ZNF800: variants seen among roughly 807,000 people sequenced by gnomAD.
ZNF800 encodes zinc finger protein 800.
In ZNF800, 13 loss-of-function variants were observed where a neutral mutation model predicts 59.5. The ratio of observed to expected loss-of-function variants is 0.22; its 90% confidence interval spans 0.14 to 0.35. The LOEUF (loss-of-function observed/expected upper bound fraction) is 0.35, where lower values mean the gene tolerates loss of function less well. Among genes scored for constraint, ZNF800 ranks in the 10% least tolerant of loss-of-function variants. The pLI is 1.00. For missense variants in ZNF800, 621 were observed against 783.7 expected, an observed-to-expected ratio of 0.79 and a Z score of 2.48; for synonymous variants, 266 against 265.7, an observed-to-expected ratio of 1.00 and a Z score of -0.01.
intron 3 of ZNF800, among the ~76,000 whole-genome samples, chr7:127,380,998 T>C (rs142689928): frequency 2.4e-4 from 37 of 152,330 alleles, no homozygotes; most frequent in African/African-American, 8.9e-4. Context: ...GGCAAGTGCA[T>C]TGCATGTACT....
At chr7:127,361,068 T>C (rs931239068) in intron 1 of ZNF800, 4 of 152,256 alleles carry the variant, frequency 2.6e-5, no homozygotes, top group Admixed American at 6.6e-5. Flanking sequence ...TTCAGTCTAG[T>C]TGGGGAGACC....
chr7:127,357,333 T>C (rs916855732), intron 1 of ZNF800, among the ~76,000 whole-genome samples: 12 of 152,104 alleles, frequency 7.9e-5, no homozygotes, highest in African/African-American at 2.9e-4. Context: ...GTCCAAAAAG[T>C]GCAGCTTTAC....
intron 2 of ZNF800, among the ~76,000 whole-genome samples, chr7:127,387,760 C>A (rs1801181661): frequency 6.6e-6 from 1 of 152,034 alleles, no homozygotes; most frequent in Non-Finnish European, 1.5e-5. Flanking sequence ...ACGTGGGAGG[C>A]TGAGCTGGGA....
intron 5 of ZNF800, chr7:127,372,850 C>T (rs1021161940): frequency 3.5e-5 from 34 of 984,940 alleles, no homozygotes; most frequent in Non-Finnish European, 4.0e-5. Context: ...TTTATTTAGC[C>T]GTCACAGATT....
Position 127,392,133 on chromosome 7 carries a change from C to A in ZNF800, c.-132G>T. 2 of 394,092 alleles carry A rather than the reference C, an allele frequency of 5.1e-6. No individual in the cohort carries two copies. Among genetic ancestry groups the A allele is most frequent in the East Asian group, 3.6e-5 (1 of 27,764 alleles). The allele number at this position is 394,092 out of a possible 1,614,324, so 24.4% of individuals were successfully genotyped here. A position where few individuals can be genotyped will look rare whatever the true frequency, so the allele number is the denominator to read the frequency against. ...CCGGGCGGCCGCGGGGACAGCCTGGCGTGGGAGGCGGCTGCGGGCCCCACC... is the reference window on the plus strand; with the variant it reads ...CCGGGCGGCCGCGGGGACAGCCTGGAGTGGGAGGCGGCTGCGGGCCCCACC... On this transcript the variant is annotated 5_prime_UTR_variant, in exon 1 of 6. Coordinates refer to ENST00000265827, the MANE Select transcript of ZNF800 (RefSeq NM_176814.5).
intron 1 of ZNF800, among the ~76,000 whole-genome samples, chr7:127,353,185 T>C (rs937587147): frequency 6.6e-6 from 1 of 152,208 alleles, no homozygotes; most frequent in African/African-American, 2.4e-5. Flanking sequence ...TCCACAAATA[T>C]ATGCAATACA....
At chr7:127,345,196 A>G (rs538332996), downstream of ZNF800, among the ~76,000 whole-genome samples, 5 of 152,210 alleles carry the variant, frequency 3.3e-5, no homozygotes, top group South Asian at 1.0e-3. Flanking sequence ...TGCACCTAAT[A>G]TGTGTCAAAT....
downstream of ZNF800, among the ~76,000 whole-genome samples, chr7:127,366,388 G>A (rs1211178287): frequency 6.6e-6 from 1 of 152,128 alleles, no homozygotes; most frequent in African/African-American, 2.4e-5. Flanking sequence ...TGGATGTCTG[G>A]AAAACAGCAG....
exon 2 of ZNF800, chr7:127,347,391 G>A (rs1181258142): frequency 7.2e-6 from 1 of 139,012 alleles, no homozygotes; most frequent in African/African-American, 2.6e-5. Context: ...CGGGGGGGTG[G>A]GGAGGTGGGC....
chr7:127,387,331 T>C (rs992905400), intron 2 of ZNF800, among the ~76,000 whole-genome samples: 2 of 152,158 alleles, frequency 1.3e-5, no homozygotes, highest in African/African-American at 4.8e-5. Context: ...ACCACCCACT[T>C]AGTGTGAGGA....
intron 1 of ZNF800, among the ~76,000 whole-genome samples, chr7:127,352,612 T>C (rs947289029): frequency 2.6e-5 from 4 of 152,210 alleles, no homozygotes; most frequent in African/African-American, 9.7e-5. Context: ...TCATGTAGAT[T>C]TGCCTATTGG....
chr7:127,363,587 T>C (rs776882886), intron 1 of ZNF800: 1 of 151,634 alleles, frequency 6.6e-6, no homozygotes, highest in Non-Finnish European at 1.5e-5. Context: ...CAGAGAGTTA[T>C]AAACGGGGCA....
At chr7:127,384,089 T>C (rs139871168) in intron 3 of ZNF800, among the ~76,000 whole-genome samples, 1 of 152,082 alleles carries the variant, frequency 6.6e-6, no homozygotes, top group African/African-American at 2.4e-5. Flanking sequence ...AATCTTTAAA[T>C]ATTTGCCTTC....
At chr7:127,379,191 C>T (rs1800880406) in intron 3 of ZNF800, among the ~76,000 whole-genome samples, 1 of 152,116 alleles carries the variant, frequency 6.6e-6, no homozygotes, top group Non-Finnish European at 1.5e-5. Context: ...TTTCACATTA[C>T]AAAATATCTT....
At chr7:127,351,415 T>C (rs890531706) in intron 1 of ZNF800, 1 of 152,222 alleles carries the variant, frequency 6.6e-6, no homozygotes, top group Admixed American at 6.5e-5. Context: ...AATGTGGTTC[T>C]GAGACCACCA....
intron 3 of ZNF800, among the ~76,000 whole-genome samples, chr7:127,383,131 A>C (rs759897875): frequency 7.9e-4 from 121 of 152,350 alleles, no homozygotes; most frequent in Admixed American, 1.4e-3. Context: ...CAGTCAGTAT[A>C]GCACACATCA....
At chr7:127,345,960 A>T (rs1800056265), downstream of ZNF800, among the ~76,000 whole-genome samples, 1 of 152,184 alleles carries the variant, frequency 6.6e-6, no homozygotes, top group South Asian at 2.1e-4. Context: ...AAGACACTGG[A>T]GCATGTGTGC....
At chr7:127,368,071 T>A (rs1196236322), downstream of ZNF800, among the ~76,000 whole-genome samples, 1 of 152,090 alleles carries the variant, frequency 6.6e-6, no homozygotes, top group Non-Finnish European at 1.5e-5. Flanking sequence ...TCCATACTCT[T>A]ACCCTTCCAA....
At chr7:127,349,886 A>G (rs184084308) in intron 1 of ZNF800, 1 of 152,352 alleles carries the variant, frequency 6.6e-6, no homozygotes, top group African/African-American at 2.4e-5. Flanking sequence ...CACTATTCAT[A>G]CAGTGATTTC....
Sources: allele counts gnomAD v4.1 joint callset (sites outside exome capture counted in the v4.1 genomes callset), GRCh38; gene constraint gnomAD v4.1.1; transcripts MANE v1.5; gene names NCBI Gene and HGNC (gene_info 2026-07-23, HGNC 2026-07-21).